AGBL4: variants seen among roughly 807,000 people sequenced by gnomAD.
AGBL4 encodes AGBL carboxypeptidase 4.
A neutral mutation model predicts 66.4 loss-of-function variants in AGBL4; 58 were observed. The observed-to-expected ratio is 0.87, with a 90% CI of 0.71 to 1.09. The LOEUF is 1.09. Among genes scored for constraint, AGBL4 ranks in the 50% least tolerant of loss-of-function variants. The pLI, the probability that AGBL4 is intolerant of heterozygous loss-of-function variation, is 0.00. For synonymous variants in AGBL4, 234 were observed against 222.9 expected, an observed-to-expected ratio of 1.05 and a Z score of -0.44; for missense variants, 579 against 631.0, an observed-to-expected ratio of 0.92 and a Z score of 0.88.
intron 11 of AGBL4, among the ~76,000 whole-genome samples, chr1:48,541,917 G>A (rs12129024): frequency 0.051 from 7,704 of 152,042 alleles, 250 homozygotes; most frequent in East Asian, 0.093. Flanking sequence ...AGGTATACAC[G>A]TGCCATGGTG....
chr1:48,631,397 A>T (rs898079872), intron 9 of AGBL4, among the ~76,000 whole-genome samples: 1 of 152,094 alleles, frequency 6.6e-6, no homozygotes, highest in African/African-American at 2.4e-5. Flanking sequence ...CATCATTATT[A>T]TTATACTTTT....
chr1:48,586,816 G>C, intron 11 of AGBL4, 188 bp downstream of exon 11: 1 of 674,984 alleles, frequency 1.5e-6, no homozygotes, highest in Non-Finnish European at 2.5e-6. Context: ...AATTGGGGTA[G>C]GAGTATCATA....
At chr1:49,413,451 T>C (rs1466843380) in intron 3 of AGBL4, among the ~76,000 whole-genome samples, 1 of 152,158 alleles carries the variant, frequency 6.6e-6, no homozygotes, top group African/African-American at 2.4e-5. Context: ...GAATTGTATA[T>C]AAATATGAAT....
intron 6 of AGBL4, among the ~76,000 whole-genome samples, chr1:48,820,460 C>A (rs769273068): frequency 3.3e-5 from 5 of 152,238 alleles, no homozygotes; most frequent in African/African-American, 4.8e-5. Context: ...TTAAACTATG[C>A]TTTATTGTTG....
At chr1:49,982,856 A>C (rs1659182709) in intron 1 of AGBL4, among the ~76,000 whole-genome samples, 1 of 152,124 alleles carries the variant, frequency 6.6e-6, no homozygotes, top group Non-Finnish European at 1.5e-5. Context: ...TACCCACTCC[A>C]GGGTCTCCTC....
chr1:49,952,142 G>T (rs527983994), intron 1 of AGBL4, among the ~76,000 whole-genome samples: 5 of 151,774 alleles, frequency 3.3e-5, no homozygotes, highest in Non-Finnish European at 7.4e-5. Context: ...ACCTAAAAAT[G>T]ATTAAAATGC....
Position 49,634,931 on chromosome 1 carries a change from TAG to T in AGBL4, c.282+62380_282+62381del, listed in dbSNP as rs554939062. Among the ~76,000 whole-genome samples, 1,031 of 152,310 alleles carry T rather than the reference TAG, an allele frequency of 6.8e-3. 5 individuals carry two copies. Among genetic ancestry groups the T allele is most frequent in the Non-Finnish European group, 0.011 (766 of 68,028 alleles). On this transcript the variant is annotated intron_variant, in intron 3 of 13. Transcript: ENST00000371839. ...TTGAGGCATCAGAGAGATGCAAACG[TAG>T]AGAGAATTTGATGGTCTAAAATTCC...
chr1:49,225,272 T>G (rs1407418939), intron 4 of AGBL4, among the ~76,000 whole-genome samples: 9 of 152,222 alleles, frequency 5.9e-5, no homozygotes, highest in Admixed American at 5.9e-4. Context: ...AGAGACCTTA[T>G]GTATATCAAC....
intron 6 of AGBL4, among the ~76,000 whole-genome samples, chr1:48,700,546 TGTGTGGACCTGACAG>T (rs1431441134): frequency 6.6e-6 from 1 of 152,154 alleles, no homozygotes; most frequent in Non-Finnish European, 1.5e-5. Context: ...AGAAAGGCAG[TGTGTGGACCTGACAG>T]GTAGGAGGGC....
At chr1:49,136,719 A>G (rs1297880229) in intron 4 of AGBL4, among the ~76,000 whole-genome samples, 1 of 152,164 alleles carries the variant, frequency 6.6e-6, no homozygotes, top group African/African-American at 2.4e-5. Flanking sequence ...AAGTTGTGAA[A>G]TTAATCATTT....
chr1:49,569,332 T>C (rs923598665), intron 3 of AGBL4, among the ~76,000 whole-genome samples: 15 of 152,084 alleles, frequency 9.9e-5, no homozygotes, highest in Non-Finnish European at 1.6e-4. Flanking sequence ...AAGGTGACTA[T>C]TGTCAATAAT....
intron 9 of AGBL4, among the ~76,000 whole-genome samples, chr1:48,622,813 T>TA (rs1645438313): frequency 6.6e-6 from 1 of 152,166 alleles, no homozygotes; most frequent in Non-Finnish European, 1.5e-5. Context: ...TAATAATAGT[T>TA]AAATTTTTTT....
intron 6 of AGBL4, among the ~76,000 whole-genome samples, chr1:48,701,058 C>A (rs1646792903): frequency 6.6e-6 from 1 of 152,156 alleles, no homozygotes; most frequent in East Asian, 1.9e-4. Flanking sequence ...CACTAATGCC[C>A]AAGCCCAGGA....
At chr1:49,010,016 T>A (rs12738906) in intron 5 of AGBL4, among the ~76,000 whole-genome samples, 2 of 152,018 alleles carry the variant, frequency 1.3e-5, no homozygotes, top group Admixed American at 6.6e-5. Context: ...ATAGTGATGG[T>A]AGTTCTGGCC....
intron 4 of AGBL4, among the ~76,000 whole-genome samples, chr1:49,072,583 G>A (rs1644629507): frequency 6.6e-6 from 1 of 152,166 alleles, no homozygotes; most frequent in Non-Finnish European, 1.5e-5. Flanking sequence ...ACTCTCTTCT[G>A]GCTTGTAGTG....
At chr1:49,582,191 G>T (rs1169739876) in intron 3 of AGBL4, among the ~76,000 whole-genome samples, 1 of 152,176 alleles carries the variant, frequency 6.6e-6, no homozygotes, top group Non-Finnish European at 1.5e-5. Flanking sequence ...ATTGGAAGTT[G>T]ACTGGGCAAA....
intron 6 of AGBL4, among the ~76,000 whole-genome samples, chr1:48,808,307 C>A (rs1309519175): frequency 6.6e-6 from 1 of 152,178 alleles, no homozygotes; most frequent in East Asian, 1.9e-4. Context: ...TTAGAGGCAC[C>A]TTAAACATTC....
intron 3 of AGBL4, among the ~76,000 whole-genome samples, chr1:49,337,936 T>G (rs1471510083): frequency 6.6e-6 from 1 of 152,186 alleles, no homozygotes; most frequent in Non-Finnish European, 1.5e-5. Context: ...CTGTCTCTAA[T>G]CTTGTCATTA....
intron 3 of AGBL4, among the ~76,000 whole-genome samples, chr1:49,259,414 C>G (rs1652884335): frequency 6.6e-6 from 1 of 152,132 alleles, no homozygotes; most frequent in Non-Finnish European, 1.5e-5. Flanking sequence ...GGAAACCCAT[C>G]TCATGTGCAG....
Sources: allele counts gnomAD v4.1 joint callset (sites outside exome capture counted in the v4.1 genomes callset), GRCh38; gene constraint gnomAD v4.1.1; transcripts MANE v1.5; gene names NCBI Gene and HGNC (gene_info 2026-07-23, HGNC 2026-07-21).